AGAP1: variants seen among roughly 807,000 people sequenced by gnomAD.
The protein encoded by AGAP1 is arf-GAP with GTPase, ANK repeat and PH domain-containing protein 1.
A neutral mutation model predicts 105.3 loss-of-function variants in AGAP1; 29 were observed. That is an observed-to-expected ratio of 0.28 (90% CI 0.21 to 0.38). AGAP1 has a LOEUF of 0.38. Ranked by LOEUF, AGAP1 falls within the 10% of genes least tolerant of loss-of-function variation. The pLI is 1.00. For synonymous variants in AGAP1, 509 were observed against 485.9 expected (o/e 1.05, Z -0.63); for missense variants, 998 against 1,165.1 (o/e 0.86, Z 2.09).
At chr2:235,711,565 G>A (rs944471932) in intron 2 of AGAP1, among the ~76,000 whole-genome samples, 1 of 152,210 alleles carries the variant, frequency 6.6e-6, no homozygotes, top group Admixed American at 6.5e-5. Flanking sequence ...GATGCTGTTG[G>A]TTCTACAGTT....
chr2:235,685,818 A>G (rs150072495), intron 1 of AGAP1, among the ~76,000 whole-genome samples: 2 of 152,254 alleles, frequency 1.3e-5, no homozygotes, highest in East Asian at 3.9e-4. Flanking sequence ...ACACAGCCTC[A>G]GGAGATCTAA....
intron 1 of AGAP1, among the ~76,000 whole-genome samples, chr2:235,538,519 G>A (rs1943322934): frequency 6.6e-6 from 1 of 151,132 alleles, no homozygotes; most frequent in African/African-American, 2.4e-5. Flanking sequence ...AAGTCCTAGG[G>A]TCCTGTTCTC....
intron 1 of AGAP1, among the ~76,000 whole-genome samples, chr2:235,624,707 G>A (rs968392690): frequency 1.3e-5 from 2 of 152,086 alleles, no homozygotes; most frequent in African/African-American, 4.8e-5. Flanking sequence ...ATAGGGTTTG[G>A]AAGTTTGTCC....
intron 16 of AGAP1, among the ~76,000 whole-genome samples, chr2:236,088,129 C>T (rs1223405327): frequency 2.0e-5 from 3 of 152,198 alleles, no homozygotes; most frequent in Non-Finnish European, 2.9e-5. Context: ...CCTTACCCAG[C>T]TGGGCTCCAG....
At chr2:235,678,503 G>A (rs1948878796) in intron 1 of AGAP1, among the ~76,000 whole-genome samples, 1 of 152,192 alleles carries the variant, frequency 6.6e-6, no homozygotes, top group African/African-American at 2.4e-5. Context: ...TATCACTGGA[G>A]GCACCCAGAC....
At chr2:235,774,843 CTGAG>C (rs773691754) in intron 6 of AGAP1, among the ~76,000 whole-genome samples, 2 of 152,130 alleles carry the variant, frequency 1.3e-5, no homozygotes, top group Non-Finnish European at 2.9e-5. Context: ...GTGGGTTGAT[CTGAG>C]TGATTGGCGC....
intron 9 of AGAP1, among the ~76,000 whole-genome samples, chr2:235,808,806 GACA>G (rs1414402946): frequency 3.3e-5 from 5 of 152,088 alleles, no homozygotes; most frequent in Non-Finnish European, 5.9e-5. Context: ...TATATTCAAA[GACA>G]ACAACAACAG....
chr2:235,868,403 C>T (rs984223175), intron 9 of AGAP1, among the ~76,000 whole-genome samples: 1 of 152,088 alleles, frequency 6.6e-6, no homozygotes, highest in Non-Finnish European at 1.5e-5. Flanking sequence ...CTGTTAAAGC[C>T]GATGAGGAAT....
In AGAP1 at chr2:236,113,109, C is replaced by T. The variant is rs910827501; in HGVS notation, c.2115-7083C>T. ...AAATACGGCCACCACTCTGCCGTCA[C>T]GTGTGCATCTTGTTCCACATTAGAT... is the stretch of plus-strand genomic sequence containing the variant. On this transcript the variant is annotated intron_variant, in intron 16 of 17. Coordinates refer to ENST00000304032, the MANE Select transcript of AGAP1 (RefSeq NM_001037131.3). This position sits in a 1 kb window ranked among gnomAD's most constrained non-coding sequence, Gnocchi z 4.3. Among the ~76,000 whole-genome samples the T allele has an allele frequency of 1.3e-5, 2 of 152,224 alleles. No individual in the cohort carries two copies. The highest frequency in any genetic ancestry group is 2.9e-5 in the Non-Finnish European group (2 of 68,046).
chr2:235,563,421 C>T (rs2149140911), intron 1 of AGAP1, among the ~76,000 whole-genome samples: 1 of 152,356 alleles, frequency 6.6e-6, no homozygotes, highest in South Asian at 2.1e-4. Context: ...CTCTGCTAAT[C>T]AGCCCCACTT....
intron 1 of AGAP1, among the ~76,000 whole-genome samples, chr2:235,597,416 C>A (rs1286182685): frequency 6.6e-6 from 1 of 152,212 alleles, no homozygotes; most frequent in Admixed American, 6.5e-5. Context: ...ACACCTTGGC[C>A]ACCCAGCAAG....
At chr2:235,852,624 C>T in intron 9 of AGAP1, 1 of 1,351,114 alleles carries the variant, frequency 7.4e-7, no homozygotes, top group African/African-American at 1.5e-5. Flanking sequence ...AATTAATTAG[C>T]CATAACCCTC....
At chr2:235,764,087 T>C (rs2696409) in intron 6 of AGAP1, among the ~76,000 whole-genome samples, 42,958 of 115,718 alleles carry the variant, frequency 0.37, 6,382 homozygotes, top group Admixed American at 0.49. Context: ...GGCTGTGACA[T>C]GTGGAGGCGA....
At chr2:235,969,939 C>A (rs1371560284) in intron 13 of AGAP1, among the ~76,000 whole-genome samples, 1 of 152,122 alleles carries the variant, frequency 6.6e-6, no homozygotes, top group African/African-American at 2.4e-5. Flanking sequence ...CGGTGGCTCA[C>A]GCCTGTAATC....
intron 1 of AGAP1, among the ~76,000 whole-genome samples, chr2:235,571,958 G>GTGTGTGTGTGTGTGTA (rs1553568293): frequency 1.9e-5 from 2 of 107,350 alleles, no homozygotes; most frequent in Non-Finnish European, 3.6e-5. Context: ...GTGTGTGTGT[G>GTGTGTGTGTGTGTGTA]TATACATATA....
rs1027383434 is a variant in AGAP1 at position 235,793,628 on chromosome 2, T to C, written c.674-4131T>C. Among the ~76,000 whole-genome samples the C allele has an allele frequency of 1.3e-5, 2 of 152,066 alleles. No individual in the cohort carries two copies. The highest frequency in any genetic ancestry group is 2.9e-5 in the Non-Finnish European group (2 of 68,012). On this transcript the variant is annotated intron_variant, in intron 6 of 17. Coordinates refer to ENST00000304032, the MANE Select transcript of AGAP1 (RefSeq NM_001037131.3). This position sits in a 1 kb window ranked among gnomAD's most constrained non-coding sequence, Gnocchi z 5.3. ...TAATAGATGGGAAGTGTGGGCCGCCTAGCCCTGCTCAGCCTTTGAGCAGCA... is the reference window on the plus strand; with the variant it reads ...TAATAGATGGGAAGTGTGGGCCGCCCAGCCCTGCTCAGCCTTTGAGCAGCA...
At chr2:235,821,654 C>G (rs754851237) in intron 9 of AGAP1, among the ~76,000 whole-genome samples, 1 of 152,158 alleles carries the variant, frequency 6.6e-6, no homozygotes, top group Non-Finnish European at 1.5e-5. Flanking sequence ...TTTTATATAA[C>G]TAGTACAGCT....
intron 8 of AGAP1, among the ~76,000 whole-genome samples, chr2:235,800,676 T>C (rs1957455789): frequency 6.6e-6 from 1 of 152,186 alleles, no homozygotes; most frequent in South Asian, 2.1e-4. Flanking sequence ...GTGGTTTTGC[T>C]CTCCAAGGAC....
chr2:235,701,186 G>T lies in AGAP1; in HGVS notation c.164-7993G>T, dbSNP rs979351521. Among the ~76,000 whole-genome samples, 12 of 150,890 alleles carry T rather than the reference G, an allele frequency of 8.0e-5. No homozygotes were observed. The highest frequency in any genetic ancestry group is 1.7e-4 in the African/African-American group (7 of 41,028). On this transcript the variant is annotated intron_variant, in intron 1 of 17. Coordinates refer to ENST00000304032, the MANE Select transcript of AGAP1 (RefSeq NM_001037131.3). This position sits in a 1 kb window ranked among gnomAD's most constrained non-coding sequence, Gnocchi z 4.1. The stretch of plus-strand genomic sequence containing the variant: ...TTTTATATATTTATATATATGGGGG[G>T]GTGGAAATCACTATCCTCTAAGAAG...
Sources: gnomAD v4.1 joint callset for allele counts (sites outside exome capture counted in the v4.1 genomes callset) on GRCh38, gnomAD v4.1.1 for gene constraint, Gnocchi (gnomAD v3.1) non-coding constraint, MANE v1.5 for transcripts, NCBI Gene and HGNC (gene_info 2026-07-23, HGNC 2026-07-21) for gene names.